SORCS3: variants seen among roughly 807,000 people sequenced by gnomAD.
SORCS3 encodes the protein VPS10 domain-containing receptor SorCS3.
A neutral mutation model predicts 146.3 loss-of-function variants in SORCS3; 57 were observed. The observed-to-expected ratio is 0.39, with a 90% CI of 0.31 to 0.49. SORCS3 has a LOEUF of 0.49. Ranked by LOEUF, SORCS3 falls within the 20% of genes least tolerant of loss-of-function variation. The probability of loss-of-function intolerance (pLI) is 0.92; values close to 1 mark genes in which losing one functional copy is unlikely to be tolerated. For missense variants in SORCS3, 1,341 were observed against 1,575.5 expected (o/e 0.85, Z 2.52); for synonymous variants, 653 against 618.5 (o/e 1.06, Z -0.83).
chr10:105,006,336 C>T (rs1726221539), intron 4 of SORCS3, among the ~76,000 whole-genome samples: 1 of 152,144 alleles, frequency 6.6e-6, no homozygotes, highest in South Asian at 2.1e-4. Flanking sequence ...TTGTCTTGAC[C>T]TACTTTTAAA....
intron 1 of SORCS3, among the ~76,000 whole-genome samples, chr10:104,817,389 C>T (rs556474518): frequency 2.4e-3 from 249 of 105,290 alleles, no homozygotes; most frequent in Non-Finnish European, 3.9e-3. Flanking sequence ...CCCCCTCCTC[C>T]TCCTCCTTCC....
At chr10:105,180,072 A>T (rs946221679) in intron 14 of SORCS3, among the ~76,000 whole-genome samples, 2 of 152,222 alleles carry the variant, frequency 1.3e-5, no homozygotes, top group Non-Finnish European at 2.9e-5. Flanking sequence ...AGAGCTTCTA[A>T]TATATATCAG....
chr10:104,917,495 ATACT>A (rs1749719701), intron 3 of SORCS3, among the ~76,000 whole-genome samples: 1 of 152,238 alleles, frequency 6.6e-6, no homozygotes, highest in South Asian at 2.1e-4. Context: ...TGTGGTGATA[ATACT>A]TAATATCTAC....
At chr10:105,093,259 C>G (rs1031194174) in intron 6 of SORCS3, among the ~76,000 whole-genome samples, 4 of 152,120 alleles carry the variant, frequency 2.6e-5, no homozygotes, top group Non-Finnish European at 5.9e-5. Context: ...ACAACTTATA[C>G]AAAATTTAAC....
At chr10:105,109,380 T>C (rs1455462379) in intron 7 of SORCS3, among the ~76,000 whole-genome samples, 1 of 152,144 alleles carries the variant, frequency 6.6e-6, no homozygotes, top group African/African-American at 2.4e-5. Context: ...GACGTCATCA[T>C]TTTAGAGCAT....
chr10:105,177,658 C>A (rs1472356993), intron 13 of SORCS3, among the ~76,000 whole-genome samples: 2 of 152,102 alleles, frequency 1.3e-5, no homozygotes, highest in Non-Finnish European at 2.9e-5. Context: ...AAGGTTTGAT[C>A]TGAAAGACAA....
At chr10:105,149,079 C>G (rs1017188060) in intron 9 of SORCS3, among the ~76,000 whole-genome samples, 2 of 152,152 alleles carry the variant, frequency 1.3e-5, no homozygotes, top group Non-Finnish European at 2.9e-5. Flanking sequence ...TTGCTTTCCA[C>G]TGTGATTGTA....
intron 22 of SORCS3, among the ~76,000 whole-genome samples, chr10:105,251,151 C>T (rs1275416492): frequency 6.6e-6 from 1 of 152,224 alleles, no homozygotes; most frequent in Non-Finnish European, 1.5e-5. Context: ...TTAACTGACT[C>T]ACAGTTCTGC....
chr10:104,812,487 T>A (rs529069707), intron 1 of SORCS3, among the ~76,000 whole-genome samples: 37 of 152,382 alleles, frequency 2.4e-4, no homozygotes, highest in Non-Finnish European at 3.7e-4. Context: ...TTCCTTTGCC[T>A]TTTCTACCTC....
At chr10:104,875,496 T>C (rs1387535794) in intron 2 of SORCS3, among the ~76,000 whole-genome samples, 1 of 152,188 alleles carries the variant, frequency 6.6e-6, no homozygotes, top group African/African-American at 2.4e-5. Context: ...TAGTTAATGT[T>C]TGTAAAGTGA....
At chr10:105,199,450 T>C (rs193227483) in intron 14 of SORCS3, among the ~76,000 whole-genome samples, 23 of 152,272 alleles carry the variant, frequency 1.5e-4, no homozygotes, top group African/African-American at 5.5e-4. Context: ...CGTTAAACAA[T>C]GGAATTTCAA....
chr10:105,239,037 G>A (rs2056808945), intron 20 of SORCS3, among the ~76,000 whole-genome samples: 2 of 152,040 alleles, frequency 1.3e-5, no homozygotes, highest in East Asian at 1.9e-4. Context: ...TTCTTTAATA[G>A]CATCCATAGC....
At chr10:104,870,605 G>A (rs1055163459) in intron 2 of SORCS3, among the ~76,000 whole-genome samples, 2 of 152,202 alleles carry the variant, frequency 1.3e-5, no homozygotes, top group Non-Finnish European at 2.9e-5. Context: ...TCTGAGGACA[G>A]CAAAGAACAA....
At chr10:104,954,012 G>C (rs2019461327) in intron 3 of SORCS3, among the ~76,000 whole-genome samples, 1 of 152,110 alleles carries the variant, frequency 6.6e-6, no homozygotes, top group African/African-American at 2.4e-5. Flanking sequence ...AGGAAAATTG[G>C]GGGACTCTTG....
chr10:104,850,025 T>C (rs1037743514), intron 2 of SORCS3, among the ~76,000 whole-genome samples: 2 of 152,248 alleles, frequency 1.3e-5, no homozygotes, highest in African/African-American at 4.8e-5. Context: ...CAAAGTACAA[T>C]CTGATTTTCA....
rs748009306 is a variant in SORCS3, at chr10:104,842,784, C to T, written c.628-8C>T. The T allele has an allele frequency of 1.2e-6, 2 of 1,612,976 alleles. No individual in the cohort carries two copies. Among genetic ancestry groups the T allele is most frequent in the Non-Finnish European group, 1.7e-6 (2 of 1,179,158 alleles). On this transcript the variant is annotated splice_region_variant and splice_polypyrimidine_tract_variant and intron_variant, in intron 1 of 26. Coordinates refer to ENST00000369701, the MANE Select transcript of SORCS3 (RefSeq NM_014978.3). The stretch of plus-strand genomic sequence containing the variant: ...CTCTCCTTTGCCCTTATCCCCAACC[C>T]CTTGCAGGTCATACTTATCCTGACG...
At chr10:104,961,827 GA>G in intron 3 of SORCS3, among the ~76,000 whole-genome samples, 1 of 152,070 alleles carries the variant, frequency 6.6e-6, no homozygotes, top group Non-Finnish European at 1.5e-5. Flanking sequence ...AGCAAACTGA[GA>G]AACCTTTGAG....
chr10:104,667,183 C>G (rs1435885925), intron 1 of SORCS3, among the ~76,000 whole-genome samples: 1 of 152,282 alleles, frequency 6.6e-6, no homozygotes, highest in East Asian at 1.9e-4. Context: ...TGGGACAAGG[C>G]TCTGAACCTA....
Position 104,857,477 on chromosome 10 carries a change from T to G in SORCS3, c.695+14618T>G, listed in dbSNP as rs555763375. On this transcript the variant is annotated intron_variant, in intron 2 of 26. Coordinates refer to ENST00000369701, the MANE Select transcript of SORCS3 (RefSeq NM_014978.3). ...TTGCTTTTTCCCATTCATTTATTCC[T>G]TAATTAATTTATGCATTTATGTATT... Among the ~76,000 whole-genome samples, 143 of 152,300 alleles carry G rather than the reference T, an allele frequency of 9.4e-4. 1 individual carries two copies. The highest frequency in any genetic ancestry group is 3.2e-3 in the African/African-American group (131 of 41,554).
Sources: gnomAD v4.1 joint callset for allele counts (sites outside exome capture counted in the v4.1 genomes callset) on GRCh38, gnomAD v4.1.1 for gene constraint, MANE v1.5 for transcripts, NCBI Gene and HGNC (gene_info 2026-07-23, HGNC 2026-07-21) for gene names.